Variants in LPP observed in about 807,000 individuals in gnomAD.
The protein encoded by LPP is lipoma-preferred partner.
A neutral mutation model predicts 60.4 loss-of-function variants in LPP; 38 were observed. The observed-to-expected ratio is 0.63, with a 90% CI of 0.49 to 0.83. LPP has a LOEUF of 0.83. Ranked by LOEUF, LPP falls within the 40% of genes least tolerant of loss-of-function variation. The pLI is 0.00. For missense variants in LPP, 902 were observed against 783.6 expected, an observed-to-expected ratio of 1.15 and a Z score of -1.80; for synonymous variants, 328 against 290.8, an observed-to-expected ratio of 1.13 and a Z score of -1.30.
intron 9 of LPP, among the ~76,000 whole-genome samples, chr3:188,772,367 C>G (rs747935921): frequency 3.9e-5 from 6 of 152,218 alleles, no homozygotes; most frequent in Non-Finnish European, 8.8e-5. Flanking sequence ...ATTTCCACAT[C>G]TCTCATAGGA....
chr3:188,534,150 G>A (rs1201456476), intron 6 of LPP, among the ~76,000 whole-genome samples: 1 of 152,226 alleles, frequency 6.6e-6, no homozygotes, highest in African/African-American at 2.4e-5. Flanking sequence ...GGGCAGCTGA[G>A]CAGATAGCTG....
intron 6 of LPP, among the ~76,000 whole-genome samples, chr3:188,592,876 G>A (rs1381471290): frequency 6.6e-6 from 1 of 151,568 alleles, no homozygotes; most frequent in Non-Finnish European, 1.5e-5. Context: ...CTTACACGAG[G>A]GCTTGCCTAG....
intron 4 of LPP, among the ~76,000 whole-genome samples, chr3:188,453,339 G>A (rs532637275): frequency 2.0e-5 from 3 of 152,064 alleles, no homozygotes; most frequent in Non-Finnish European, 2.9e-5. Context: ...GTCTCACTCC[G>A]ATCACCCAGG....
intron 9 of LPP, among the ~76,000 whole-genome samples, chr3:188,833,863 T>C (rs1283055343): frequency 6.6e-6 from 1 of 152,210 alleles, no homozygotes; most frequent in East Asian, 1.9e-4. Flanking sequence ...GTTTTGATTC[T>C]CCTCATTTGG....
chr3:188,306,786 A>G (rs1388438752), intron 2 of LPP, among the ~76,000 whole-genome samples: 1 of 152,174 alleles, frequency 6.6e-6, no homozygotes, highest in East Asian at 1.9e-4. Flanking sequence ...CCAGATTTTT[A>G]TGTAAACTCT....
At chr3:188,810,475 G>C (rs1750592098) in intron 9 of LPP, among the ~76,000 whole-genome samples, 1 of 152,068 alleles carries the variant, frequency 6.6e-6, no homozygotes, top group South Asian at 2.1e-4. Flanking sequence ...GAGAAAGAGA[G>C]AGAGAGAGAG....
At chr3:188,397,596 A>G (rs1169761089) in intron 3 of LPP, among the ~76,000 whole-genome samples, 1 of 149,346 alleles carries the variant, frequency 6.7e-6, no homozygotes, top group Admixed American at 6.7e-5. Context: ...GAGGCATGTC[A>G]CTGTTGTGTC....
At chr3:188,325,029 G>C (rs1758017428) in intron 2 of LPP, among the ~76,000 whole-genome samples, 1 of 151,904 alleles carries the variant, frequency 6.6e-6, no homozygotes, top group African/African-American at 2.4e-5. Flanking sequence ...CTCCCAGGCT[G>C]GAGTGCGATG....
At chr3:188,641,853 C>T (rs565301136) in intron 7 of LPP, among the ~76,000 whole-genome samples, 2 of 152,336 alleles carry the variant, frequency 1.3e-5, no homozygotes, top group African/African-American at 4.8e-5. Context: ...GACATTCATC[C>T]TGTTCTGATA....
At chr3:188,355,315 G>A (rs1767279755) in intron 3 of LPP, among the ~76,000 whole-genome samples, 1 of 152,154 alleles carries the variant, frequency 6.6e-6, no homozygotes, top group Non-Finnish European at 1.5e-5. Flanking sequence ...CTAGAAAGAA[G>A]AGACATTTTA....
chr3:188,285,897 G>T (rs1743755556), intron 2 of LPP, among the ~76,000 whole-genome samples: 2 of 152,200 alleles, frequency 1.3e-5, no homozygotes, highest in South Asian at 4.1e-4. Context: ...TGTCTGCATT[G>T]TGGACACTAC....
At chr3:188,266,887 G>A (rs949618662) in intron 2 of LPP, among the ~76,000 whole-genome samples, 2 of 152,168 alleles carry the variant, frequency 1.3e-5, no homozygotes, top group Non-Finnish European at 2.9e-5. Context: ...TCTAGAGCTG[G>A]TATGGATCTA....
At chr3:188,874,025 G>A (rs565058412) in intron 11 of LPP, among the ~76,000 whole-genome samples, 21 of 152,074 alleles carry the variant, frequency 1.4e-4, no homozygotes, top group Non-Finnish European at 2.5e-4. Flanking sequence ...TTCTCTTGTT[G>A]AGTGGGGGCA....
intron 7 of LPP, among the ~76,000 whole-genome samples, chr3:188,640,488 T>G (rs779951525): frequency 6.7e-6 from 1 of 149,872 alleles, no homozygotes; most frequent in Non-Finnish European, 1.5e-5. Context: ...CTGCACAATG[T>G]GCACATGTAC....
At chr3:188,237,970 A>G (rs1722514096) in intron 2 of LPP, among the ~76,000 whole-genome samples, 3 of 152,226 alleles carry the variant, frequency 2.0e-5, no homozygotes, top group Admixed American at 1.3e-4. Flanking sequence ...TTCTTTCAAT[A>G]TAAGCCTGTT....
intron 7 of LPP, among the ~76,000 whole-genome samples, chr3:188,687,997 G>C (rs893169574): frequency 3.9e-5 from 6 of 152,078 alleles, no homozygotes; most frequent in African/African-American, 1.4e-4. Flanking sequence ...ATTCTTAACA[G>C]TGTCTGAGGT....
intron 2 of LPP, among the ~76,000 whole-genome samples, chr3:188,293,057 C>T (rs1319411998): frequency 6.6e-6 from 1 of 152,190 alleles, no homozygotes; most frequent in Non-Finnish European, 1.5e-5. Flanking sequence ...GGAAGATTCC[C>T]TTCTCTGAGT....
intron 1 of LPP, among the ~76,000 whole-genome samples, chr3:188,173,576 A>G (rs1226659685): frequency 6.6e-6 from 1 of 152,176 alleles, no homozygotes; most frequent in Non-Finnish European, 1.5e-5. Context: ...TCAAAAAAAA[A>G]GTAAGAAAGA....
At chr3:188,162,405 C>T (rs1188502897) in intron 1 of LPP, among the ~76,000 whole-genome samples, 2 of 152,204 alleles carry the variant, frequency 1.3e-5, no homozygotes, top group Non-Finnish European at 2.9e-5. Context: ...GTGAACATCC[C>T]TGCAAGCCCT....
Sources: allele counts gnomAD v4.1 joint callset (sites outside exome capture counted in the v4.1 genomes callset), GRCh38; gene constraint gnomAD v4.1.1; transcripts MANE v1.5; gene names NCBI Gene and HGNC (gene_info 2026-07-23, HGNC 2026-07-21).